Variants in HLTF observed in about 807,000 individuals in gnomAD.
HLTF encodes helicase like transcription factor, also known as DNA-dependent ATPase/E3 ubiquitin-protein ligase HLTF.
In HLTF, 127 loss-of-function variants were observed where a neutral mutation model predicts 129.4. The ratio of observed to expected loss-of-function variants is 0.98; its 90% confidence interval spans 0.85 to 1.14. The LOEUF (loss-of-function observed/expected upper bound fraction) is 1.14. HLTF is among the 50% of genes most tolerant of loss of function. The probability of loss-of-function intolerance (pLI) is 0.00; values close to 1 mark genes in which losing one functional copy is unlikely to be tolerated. For synonymous variants in HLTF, 332 were observed against 388.8 expected, an observed-to-expected ratio of 0.85 and a Z score of 1.72; for missense variants, 1,139 against 1,187.1, an observed-to-expected ratio of 0.96 and a Z score of 0.60.
chr3:149,033,583 G>GA (rs1215522819), intron 24 of HLTF, among the ~76,000 whole-genome samples: 2 of 151,766 alleles, frequency 1.3e-5, no homozygotes, highest in Non-Finnish European at 2.9e-5. Flanking sequence ...GAATAGTCTA[G>GA]AAAAAGACCC....
At chr3:149,058,940 G>T (rs1717696465) in intron 13 of HLTF, among the ~76,000 whole-genome samples, 1 of 152,158 alleles carries the variant, frequency 6.6e-6, no homozygotes, top group South Asian at 2.1e-4. Flanking sequence ...TTAGGGTAAA[G>T]AATAATCCAC....
chr3:149,035,020 T>A, intron 23 of HLTF, 22 bp from the exon 24 acceptor site: 2 of 1,500,590 alleles, frequency 1.3e-6, no homozygotes, highest in South Asian at 2.3e-5. Flanking sequence ...ATGGATGAGT[T>A]ACTTTACTAC....
chr3:149,082,760 A>G (rs1478058177), intron 2 of HLTF, among the ~76,000 whole-genome samples: 2 of 152,240 alleles, frequency 1.3e-5, no homozygotes, highest in Admixed American at 6.5e-5. Flanking sequence ...TAACTCAAAA[A>G]TGTCCATCAA....
At chr3:149,032,830 G>A (rs1281704360) in intron 24 of HLTF, among the ~76,000 whole-genome samples, 1 of 151,982 alleles carries the variant, frequency 6.6e-6, no homozygotes, top group African/African-American at 2.4e-5. Context: ...GGGCATGGTG[G>A]TGGGCGCCTG....
At position 149,084,770 on chromosome 3, in the gene HLTF, T is replaced by C; in HGVS notation, c.140A>G (p.Asp47Gly). Residue 47 changes from aspartate (D) to glycine (G), a missense_variant, in exon 2 of 25, where the codon GAC becomes GGC. Physicochemically the swap from Asp to Gly is moderately conservative, Grantham distance 94. Transcript: ENST00000310053. ...TACTTCTTCATCACTAGTTAGAAAG[T>C]CATCTGGAGGGATAACATCTTGGAA... Reference protein sequence around the residue: ...FEFQDVIPPDDFLTSDEEVDS... With the variant: ...FEFQDVIPPDGFLTSDEEVDS... 1 of 1,614,032 alleles carries C rather than the reference T, an allele frequency of 6.2e-7. No individual in the cohort carries two copies. Among genetic ancestry groups the C allele is most frequent in the Non-Finnish European group, 8.5e-7 (1 of 1,179,958 alleles).
intron 14 of HLTF, among the ~76,000 whole-genome samples, chr3:149,054,340 T>A (rs918638177): frequency 6.6e-6 from 1 of 151,880 alleles, no homozygotes; most frequent in African/African-American, 2.4e-5. Flanking sequence ...TGAGTATGTA[T>A]CAGGAAGAGC....
At position 149,032,321 on chromosome 3, in the gene HLTF, T is replaced by C. The variant is rs779427720; in HGVS notation, c.2929A>G (p.Lys977Glu). ...AAGGCTCCTGCTGCAAGTTCTCTCT[T>C]TTTGTTTTGTATTTTCAGCATATTT... ...EENMLKIQNK[K>E]RELAAGAFGT... Residue 977 changes from lysine to glutamate, a missense_variant, in exon 25 of 25, where the codon AAG becomes GAG. Physicochemically the swap from Lys to Glu is moderately conservative, Grantham distance 56. Transcript: ENST00000310053. 9 of 1,596,466 alleles carry C rather than the reference T, an allele frequency of 5.6e-6. No homozygotes were observed. Among genetic ancestry groups the C allele is most frequent in the African/African-American group, 1.3e-5 (1 of 74,080 alleles).
chr3:149,064,757 T>C, intron 9 of HLTF, 34 bp downstream of exon 9: 1 of 1,244,912 alleles, frequency 8.0e-7, no homozygotes, highest in Admixed American at 1.7e-5. Flanking sequence ...GTTTACCAGA[T>C]CAAATATTGG....
In HLTF at chr3:149,040,153, G is replaced by C; in HGVS notation, c.2380C>G (p.His794Asp). 1.2e-6 allele frequency: 2 copies of C among 1,605,592 alleles called. No individual in the cohort carries two copies. Among genetic ancestry groups the C allele is most frequent in the Non-Finnish European group, 8.5e-7 (1 of 1,177,530 alleles). ...TTTCTGCATAAAGGGCATTTAGCAT[G>C]TGGCTATATAAGAAAGAACGAAGTA... The part of the protein sequence containing the change: ...ICQVIQNEQP[H>D]AKCPLCRNDI... Residue 794 changes from histidine to aspartate, a missense_variant, in exon 21 of 25, where the codon CAT (histidine) becomes GAT (aspartate). Transcript: ENST00000310053.
At position 149,061,759 on chromosome 3, in the gene HLTF, C is replaced by A. The variant is rs149762869; in HGVS notation, c.1161-901G>T. Among the ~76,000 whole-genome samples the A allele has an allele frequency of 8.9e-3, 1,345 of 151,326 alleles. 13 individuals carry two copies. Among genetic ancestry groups the A allele is most frequent in the Middle Eastern group, 0.041 (12 of 290 alleles). On this transcript the variant is annotated intron_variant, in intron 10 of 24. Transcript: ENST00000310053. ...GCTGAGGCAGGAGAATTGCTTGAAC[C>A]CGGGAGGCAGAGGTTGCAGTGAGCC...
chr3:149,042,566 C>CT (rs1447381656), intron 18 of HLTF, among the ~76,000 whole-genome samples: 1 of 152,072 alleles, frequency 6.6e-6, no homozygotes, highest in African/African-American at 2.4e-5. Flanking sequence ...AAACACAATT[C>CT]TTTAAAATGG....
Position 149,071,640 on chromosome 3 carries a change from G to T in HLTF, c.645C>A (p.Asp215Glu). ...MTTEQLKTEF[D>E]KLFEDLKEDD... ...CTTCTTTTAAATCTTCAAACAATTT[G>T]TCAAATTCTGTTTTAAGCTACAATA... Residue 215 changes from aspartate (D) to glutamate (E), a missense_variant, in exon 6 of 25, where the codon GAC becomes GAA. Coordinates refer to ENST00000310053, the MANE Select transcript of HLTF (RefSeq NM_003071.4). The T allele has an allele frequency of 6.3e-7, 1 of 1,581,266 alleles. No individual in the cohort carries two copies. Among genetic ancestry groups the T allele is most frequent in the Non-Finnish European group, 8.7e-7 (1 of 1,155,068 alleles).
Position 149,032,260 on chromosome 3 carries a change from T to C in HLTF, c.2990A>G (p.Gln997Arg). 6.3e-7 allele frequency: 1 copy of C among 1,598,634 alleles called. No homozygotes were observed. Among genetic ancestry groups the C allele is most frequent in the Non-Finnish European group, 8.5e-7 (1 of 1,174,952 alleles). Reference protein sequence around the residue: ...TKKPNADEMKQAKINEIRTLI... With the variant: ...TKKPNADEMKRAKINEIRTLI... Reference sequence around the variant, plus strand: ...TGTTCTGATTTCATTAATTTTGGCTTGTTTCATTTCGTCAGCATTTGGTTT... The same window carrying C: ...TGTTCTGATTTCATTAATTTTGGCTCGTTTCATTTCGTCAGCATTTGGTTT... The change falls in exon 25 of 25, where the codon CAA (glutamine) becomes CGA (arginine). Residue 997 changes from glutamine to arginine, a missense_variant. Transcript: ENST00000310053.
chr3:149,064,937 T>A, intron 8 of HLTF, 71 bp from the exon 9 acceptor site: 2 of 863,836 alleles, frequency 2.3e-6, no homozygotes, highest in Non-Finnish European at 3.7e-6. Context: ...CATCCTGTTT[T>A]ATATTGCTTT....
chr3:149,080,665 G>A (rs934436513), intron 2 of HLTF, among the ~76,000 whole-genome samples: 5 of 152,028 alleles, frequency 3.3e-5, no homozygotes, highest in African/African-American at 7.3e-5. Context: ...TTACATAATT[G>A]TAATTTATCA....
At chr3:149,067,881 C>A (rs1444292109) in intron 8 of HLTF, among the ~76,000 whole-genome samples, 1 of 152,126 alleles carries the variant, frequency 6.6e-6, no homozygotes, top group African/African-American at 2.4e-5. Flanking sequence ...TGGTGGCTCA[C>A]ACCTATAGCC....
chr3:149,035,502 GA>G (rs1336688172), intron 23 of HLTF, among the ~76,000 whole-genome samples: 5 of 151,122 alleles, frequency 3.3e-5, no homozygotes, highest in African/African-American at 1.2e-4. Flanking sequence ...ACTAAAAATA[GA>G]AAAAATTAGC....
chr3:149,078,391 A>G (rs1719568826), intron 2 of HLTF, among the ~76,000 whole-genome samples: 1 of 152,060 alleles, frequency 6.6e-6, no homozygotes. Context: ...ACAAAATAAA[A>G]ATAGAAAAAT....
rs1720422643 is a variant in HLTF at position 149,086,347 on chromosome 3, G to A, written c.-11C>T. The A allele has an allele frequency of 6.3e-7, 1 of 1,590,638 alleles. No individual in the cohort carries two copies. Among genetic ancestry groups the A allele is most frequent in the African/African-American group, 1.3e-5 (1 of 74,436 alleles). ...GAACATCCAGGACATGGCGCTGAGTGGGATGACAAGAGGAGCGCCTCGGCT... is the reference window on the plus strand; with the variant it reads ...GAACATCCAGGACATGGCGCTGAGTAGGATGACAAGAGGAGCGCCTCGGCT... On this transcript the variant is annotated 5_prime_UTR_variant, in exon 1 of 25. Coordinates refer to ENST00000310053, the MANE Select transcript of HLTF (RefSeq NM_003071.4).
Sources: allele counts gnomAD v4.1 joint callset (sites outside exome capture counted in the v4.1 genomes callset), GRCh38; gene constraint gnomAD v4.1.1; transcripts MANE v1.5; gene names NCBI Gene and HGNC (gene_info 2026-07-23, HGNC 2026-07-21).